Variants in STX6 observed in about 807,000 individuals in gnomAD.
STX6 encodes the protein syntaxin 6.
STX6 carries 23 observed loss-of-function variants against 38.0 expected under a neutral mutation model. The ratio of observed to expected loss-of-function variants is 0.60; its 90% CI spans 0.43 to 0.86. The LOEUF is 0.86. Ranked by LOEUF, STX6 falls within the 40% of genes least tolerant of loss-of-function variation. STX6 has a pLI of 0.00. For synonymous variants in STX6, 123 were observed against 107.5 expected, an observed-to-expected ratio of 1.14 and a Z score of -0.89; for missense variants, 274 against 312.9, an observed-to-expected ratio of 0.88 and a Z score of 0.94.
chr1:181,008,683 G>A (rs1242361763), intron 1 of STX6, among the ~76,000 whole-genome samples: 1 of 146,116 alleles, frequency 6.8e-6, no homozygotes, highest in Non-Finnish European at 1.5e-5. Context: ...TTAAGTGTTG[G>A]AAATCTGTAA....
intron 1 of STX6, among the ~76,000 whole-genome samples, chr1:181,021,974 T>C (rs1656740792): frequency 6.6e-6 from 1 of 152,226 alleles, no homozygotes; most frequent in South Asian, 2.1e-4. Flanking sequence ...TTGTTTCATT[T>C]TGTTTTCCTT....
At position 181,002,072 on chromosome 1, in the gene STX6, A is replaced by C. The variant is rs1226224940; in HGVS notation, c.300+534T>G. Among the ~76,000 whole-genome samples, 5 of 152,204 alleles carry C rather than the reference A, an allele frequency of 3.3e-5. No individual in the cohort carries two copies. The South Asian group carries it at 6.2e-4, about 19-fold the overall frequency. ...GTAGTCCCAGCTATTTGGGAGGCAG[A>C]GGTTGTAGTCAGCCAAGATCATGCC... On this transcript the variant is annotated intron_variant, in intron 3 of 7. Transcript: ENST00000258301.
chr1:181,007,988 T>G (rs1322212647), intron 1 of STX6, among the ~76,000 whole-genome samples: 1 of 152,196 alleles, frequency 6.6e-6, no homozygotes, highest in African/African-American at 2.4e-5. Flanking sequence ...TACATTTTGG[T>G]AGAAGCATAT....
intron 3 of STX6, among the ~76,000 whole-genome samples, chr1:181,002,221 T>C (rs1656102093): frequency 6.6e-6 from 1 of 152,014 alleles, no homozygotes; most frequent in Non-Finnish European, 1.5e-5. Context: ...GACGTGATCA[T>C]AGCTCTCAGC....
chr1:180,978,211 G>C (rs1001292586), intron 7 of STX6, among the ~76,000 whole-genome samples: 7 of 152,212 alleles, frequency 4.6e-5, no homozygotes, highest in African/African-American at 1.7e-4. Context: ...CAAGTAAAAA[G>C]CTGAACAAAC....
At chr1:181,011,807 G>C (rs1006435865) in intron 1 of STX6, among the ~76,000 whole-genome samples, 1 of 152,096 alleles carries the variant, frequency 6.6e-6, no homozygotes, top group African/African-American at 2.4e-5. Context: ...CACCACTGTT[G>C]TCCGTTCTAC....
intron 3 of STX6, among the ~76,000 whole-genome samples, chr1:180,994,942 A>AT (rs58609840): frequency 0.73 from 111,023 of 151,666 alleles, 41,080 homozygotes; most frequent in African/African-American, 0.83. Context: ...ATGCACAACC[A>AT]TATGTATCAA....
intron 1 of STX6, among the ~76,000 whole-genome samples, chr1:181,022,327 G>C (rs1488789571): frequency 6.6e-6 from 1 of 152,148 alleles, no homozygotes; most frequent in African/African-American, 2.4e-5. Context: ...GCCAGGACCC[G>C]CGTGTCTCCT....
chr1:180,997,686 A>G (rs1655952063), intron 3 of STX6, among the ~76,000 whole-genome samples: 1 of 152,244 alleles, frequency 6.6e-6, no homozygotes, highest in African/African-American at 2.4e-5. Context: ...TGGCAACTAG[A>G]AAACTAAAAA....
Position 180,976,282 on chromosome 1 carries a change from C to A in STX6, c.*288G>T. On this transcript the variant is annotated 3_prime_UTR_variant, in exon 8 of 8. Transcript: ENST00000258301. ...AAGTCCCTCCTCAGCAAACGAGGTC[C>A]CGGAAGGCAAGGCAGCAGCTAGTTC... The A allele has an allele frequency of 2.5e-6, 1 of 394,238 alleles. No individual in the cohort carries two copies. 24.4% of individuals were successfully genotyped at this position (394,238 alleles called of 1,614,324 possible). A position where few individuals can be genotyped will look rare whatever the true frequency, so the allele number is the denominator to read the frequency against.
intron 1 of STX6, among the ~76,000 whole-genome samples, chr1:181,021,707 A>T (rs1014151259): frequency 2.6e-5 from 4 of 152,232 alleles, no homozygotes; most frequent in Admixed American, 2.6e-4. Context: ...CATGTGTTTA[A>T]TGGCTACGAA....
chr1:181,001,477 A>G (rs970275448), intron 3 of STX6, among the ~76,000 whole-genome samples: 3 of 152,236 alleles, frequency 2.0e-5, no homozygotes, highest in African/African-American at 4.8e-5. Flanking sequence ...ACTTAGAACT[A>G]AAGATTTGTT....
intron 1 of STX6, among the ~76,000 whole-genome samples, chr1:181,020,830 G>T (rs1303595785): frequency 1.3e-5 from 2 of 152,070 alleles, no homozygotes; most frequent in Non-Finnish European, 2.9e-5. Context: ...CTAGGCTAAG[G>T]GCCATAATTT....
intron 4 of STX6, among the ~76,000 whole-genome samples, chr1:180,991,471 T>TG (rs765910932): frequency 2.6e-4 from 40 of 152,310 alleles, no homozygotes; most frequent in Non-Finnish European, 4.3e-4. Flanking sequence ...AATGCATCAC[T>TG]GGCCTAAGGA....
intron 3 of STX6, among the ~76,000 whole-genome samples, chr1:180,994,744 T>C (rs929245167): frequency 6.6e-6 from 1 of 152,136 alleles, no homozygotes; most frequent in Non-Finnish European, 1.5e-5. Context: ...AAATAAGACC[T>C]AGTGCTCAAT....
chr1:180,981,680 C>G (rs1427794154), intron 7 of STX6, among the ~76,000 whole-genome samples: 1 of 152,128 alleles, frequency 6.6e-6, no homozygotes, highest in African/African-American at 2.4e-5. Context: ...CCAGCACAAC[C>G]CGAGGATGTT....
chr1:180,984,084 A>AC (rs1655496167), intron 7 of STX6, among the ~76,000 whole-genome samples: 3 of 149,288 alleles, frequency 2.0e-5, no homozygotes, highest in Non-Finnish European at 4.5e-5. Context: ...AAAAAAAAAA[A>AC]AAAAAACACA....
chr1:180,999,915 A>G (rs1466215064), intron 3 of STX6, among the ~76,000 whole-genome samples: 1 of 152,202 alleles, frequency 6.6e-6, no homozygotes, highest in South Asian at 2.1e-4. Context: ...TCCACCCAGA[A>G]CCCAGAAATC....
intron 7 of STX6, among the ~76,000 whole-genome samples, chr1:180,980,312 A>C (rs193068403): frequency 1.8e-3 from 241 of 135,098 alleles, no homozygotes; most frequent in African/African-American, 6.3e-3. Context: ...AAGAAACAAT[A>C]CACACCTATT....
Sources: gnomAD v4.1 joint callset for allele counts (sites outside exome capture counted in the v4.1 genomes callset) on GRCh38, gnomAD v4.1.1 for gene constraint, MANE v1.5 for transcripts, NCBI Gene and HGNC (gene_info 2026-07-23, HGNC 2026-07-21) for gene names.